Variants in RCAN2 observed in about 807,000 individuals in gnomAD.
RCAN2 encodes regulator of calcineurin 2.
Under a neutral mutation model 23.6 loss-of-function variants are expected in RCAN2, and 9 were observed. That is an observed-to-expected ratio of 0.38 (90% CI 0.23 to 0.67). The LOEUF (loss-of-function observed/expected upper bound fraction) is 0.67. Among genes scored for constraint, RCAN2 ranks in the 30% least tolerant of loss-of-function variants. RCAN2 has a pLI of 0.51. For missense variants in RCAN2, 273 were observed against 302.3 expected, an observed-to-expected ratio of 0.90 and a Z score of 0.72; for synonymous variants, 109 against 115.7, an observed-to-expected ratio of 0.94 and a Z score of 0.37.
intron 2 of RCAN2, among the ~76,000 whole-genome samples, chr6:46,363,609 C>T (rs1314534476): frequency 6.6e-6 from 1 of 152,002 alleles, no homozygotes; most frequent in Non-Finnish European, 1.5e-5. Context: ...ATTATGAAAG[C>T]ATCTAGGAGC....
intron 2 of RCAN2, among the ~76,000 whole-genome samples, chr6:46,272,841 T>C (rs956932551): frequency 2.6e-5 from 4 of 152,224 alleles, no homozygotes; most frequent in Non-Finnish European, 4.4e-5. Flanking sequence ...TGTAAAAGTA[T>C]AGACTCTTTC....
At chr6:46,352,066 C>T (rs1321676588) in intron 2 of RCAN2, among the ~76,000 whole-genome samples, 4 of 152,320 alleles carry the variant, frequency 2.6e-5, no homozygotes, top group Admixed American at 2.6e-4. Context: ...CCCCCACAAA[C>T]ATAAGCCATG....
rs764192474 is a variant in RCAN2, at chr6:46,248,832, A to G, written c.290T>C (p.Phe97Ser). The G allele has an allele frequency of 1.2e-6, 2 of 1,613,260 alleles. No individual in the cohort carries two copies. The highest frequency in any genetic ancestry group is 1.1e-5 in the South Asian group (1 of 91,008). Residue 97 changes from phenylalanine to serine, a missense_variant, in exon 3 of 5, where the codon TTC (phenylalanine) becomes TCC (serine). Transcript: ENST00000371374. ...GCTGAAGTTTATACGGACACGTCTGAAACTCTTAAATAGCTGGAACGTCAC... is the reference window on the plus strand; with the variant it reads ...GCTGAAGTTTATACGGACACGTCTGGAACTCTTAAATAGCTGGAACGTCAC... ...DCVTFQLFKS[F>S]RRVRINFSNP...
intron 2 of RCAN2, among the ~76,000 whole-genome samples, chr6:46,356,042 AAGACAC>A (rs1331692508): frequency 1.3e-5 from 2 of 152,188 alleles, no homozygotes; most frequent in African/African-American, 2.4e-5. Flanking sequence ...TCTGTTTGTA[AAGACAC>A]AGACACAGAC....
At chr6:46,343,777 T>C (rs1253944520) in intron 2 of RCAN2, among the ~76,000 whole-genome samples, 2 of 152,190 alleles carry the variant, frequency 1.3e-5, no homozygotes, top group East Asian at 1.9e-4. Context: ...CAAAGACATA[T>C]GTTGATACAA....
At chr6:46,350,934 G>A (rs931365268) in intron 2 of RCAN2, among the ~76,000 whole-genome samples, 12 of 152,124 alleles carry the variant, frequency 7.9e-5, no homozygotes, top group African/African-American at 2.9e-4. Context: ...TGAGAGTGCT[G>A]ACTAACTTGA....
intron 4 of RCAN2, among the ~76,000 whole-genome samples, chr6:46,224,589 G>A (rs1330044624): frequency 1.3e-5 from 2 of 152,162 alleles, no homozygotes; most frequent in Non-Finnish European, 2.9e-5. Flanking sequence ...CCCCTCCAGA[G>A]TTCCCTAAAT....
intron 1 of RCAN2, among the ~76,000 whole-genome samples, chr6:46,479,878 G>A (rs1432393042): frequency 6.6e-6 from 1 of 152,098 alleles, no homozygotes. Flanking sequence ...ACTGTGCCCA[G>A]CCACATTTCT....
chr6:46,390,927 A>G (rs1044549104), intron 2 of RCAN2, among the ~76,000 whole-genome samples: 2 of 152,190 alleles, frequency 1.3e-5, no homozygotes, highest in African/African-American at 4.8e-5. Context: ...CTTGGGTATC[A>G]CAGCAGCCAA....
chr6:46,401,844 G>T (rs868636933), intron 2 of RCAN2, among the ~76,000 whole-genome samples: 1 of 152,126 alleles, frequency 6.6e-6, no homozygotes, highest in African/African-American at 2.4e-5. Flanking sequence ...CCTCCATAAT[G>T]GGGGGAGACT....
At chr6:46,423,568 G>C (rs940072572) in intron 2 of RCAN2, among the ~76,000 whole-genome samples, 7 of 152,188 alleles carry the variant, frequency 4.6e-5, no homozygotes, top group Non-Finnish European at 8.8e-5. Context: ...TCAATACTCA[G>C]GGTTTCACCT....
chr6:46,224,747 T>C (rs112174976), intron 4 of RCAN2, among the ~76,000 whole-genome samples: 2 of 152,264 alleles, frequency 1.3e-5, no homozygotes, highest in African/African-American at 4.8e-5. Context: ...CACATCTTGG[T>C]AAGCCTTAAT....
chr6:46,225,533 GTGA>G (rs1251749510), intron 4 of RCAN2, among the ~76,000 whole-genome samples: 1 of 152,222 alleles, frequency 6.6e-6, no homozygotes, highest in Non-Finnish European at 1.5e-5. Flanking sequence ...CTGATGGCCA[GTGA>G]TGATGAGCAC....
At chr6:46,237,674 C>A (rs1422310424) in intron 4 of RCAN2, among the ~76,000 whole-genome samples, 1 of 152,202 alleles carries the variant, frequency 6.6e-6, no homozygotes, top group Non-Finnish European at 1.5e-5. Context: ...CAAAACACTT[C>A]TGGCCCCAAG....
In RCAN2 at chr6:46,221,997, A is replaced by G. The variant is rs1765491119; in HGVS notation, c.*1144T>C. On this transcript the variant is annotated 3_prime_UTR_variant, in exon 5 of 5. Coordinates refer to ENST00000371374, the MANE Select transcript of RCAN2 (RefSeq NM_001251974.2). ...CATCCTTCCCCATTTTAACATGCTC[A>G]GCTGCTGCTGCATTCTGGGGATTTA... is the stretch of plus-strand genomic sequence containing the variant. 1 of 398,552 alleles carries G rather than the reference A, an allele frequency of 2.5e-6. No homozygotes were observed. Among genetic ancestry groups the G allele is most frequent in the Middle Eastern group, 6.3e-4 (1 of 1,586 alleles). 24.7% of individuals were successfully genotyped at this position (398,552 alleles called of 1,614,324 possible). A position where few individuals can be genotyped will look rare whatever the true frequency, so the allele number is the denominator to read the frequency against.
intron 2 of RCAN2, among the ~76,000 whole-genome samples, chr6:46,302,381 G>A (rs992157534): frequency 1.3e-5 from 2 of 152,076 alleles, no homozygotes; most frequent in Non-Finnish European, 1.5e-5. Flanking sequence ...TTAGAGTTGA[G>A]TCATATTTAT....
At chr6:46,340,765 CAT>C (rs1297760944) in intron 2 of RCAN2, among the ~76,000 whole-genome samples, 1 of 152,142 alleles carries the variant, frequency 6.6e-6, no homozygotes, top group African/African-American at 2.4e-5. Context: ...GATGTATGTA[CAT>C]GTGTGTGTGT....
chr6:46,318,806 A>G (rs944944813), intron 2 of RCAN2, among the ~76,000 whole-genome samples: 3 of 152,176 alleles, frequency 2.0e-5, no homozygotes, highest in Admixed American at 2.0e-4. Context: ...GTACACACAT[A>G]TGTTTTACCC....
At chr6:46,459,396 C>T (rs1203128572) in intron 1 of RCAN2, among the ~76,000 whole-genome samples, 1 of 151,964 alleles carries the variant, frequency 6.6e-6, no homozygotes, top group Non-Finnish European at 1.5e-5. Flanking sequence ...AATCCATTGC[C>T]GAACAAATTA....
Sources: allele counts gnomAD v4.1 joint callset (sites outside exome capture counted in the v4.1 genomes callset), GRCh38; gene constraint gnomAD v4.1.1; transcripts MANE v1.5; gene names NCBI Gene and HGNC (gene_info 2026-07-23, HGNC 2026-07-21).